The following IL12RB2 variants were observed in gnomAD, a reference collection of about 807,000 sequenced individuals.
IL12RB2 encodes the protein interleukin-12 receptor subunit beta-2.
A neutral mutation model predicts 89.4 loss-of-function variants in IL12RB2; 82 were observed. The ratio of observed to expected loss-of-function variants is 0.92; its 90% CI spans 0.77 to 1.10. The LOEUF (loss-of-function observed/expected upper bound fraction) is 1.10. Ranked by LOEUF, IL12RB2 falls within the 50% of genes least tolerant of loss-of-function variation. IL12RB2 has a pLI of 0.00. For synonymous variants in IL12RB2, 368 were observed against 370.1 expected (o/e 0.99, Z 0.07); for missense variants, 963 against 1,031.9 (o/e 0.93, Z 0.92).
chr1:67,383,805 G>T (rs770842128), intron 14 of IL12RB2, among the ~76,000 whole-genome samples: 8 of 152,208 alleles, frequency 5.3e-5, no homozygotes, highest in Non-Finnish European at 1.0e-4. Context: ...CATTGCCAAG[G>T]TCAGATTTTT....
chr1:67,308,273 C>T (rs1003282705), intron 1 of IL12RB2, among the ~76,000 whole-genome samples: 1 of 151,896 alleles, frequency 6.6e-6, no homozygotes, highest in African/African-American at 2.4e-5. Context: ...ACTCTCTGGG[C>T]CGGGGCACAG....
At chr1:67,311,976 C>T (rs1241185871) in intron 1 of IL12RB2, among the ~76,000 whole-genome samples, 1 of 152,114 alleles carries the variant, frequency 6.6e-6, no homozygotes, top group Non-Finnish European at 1.5e-5. Context: ...AAAGATAAAC[C>T]TCCTGCCATT....
intron 14 of IL12RB2, among the ~76,000 whole-genome samples, chr1:67,383,781 C>T (rs553720957): frequency 6.6e-6 from 1 of 152,320 alleles, no homozygotes; most frequent in East Asian, 1.9e-4. Flanking sequence ...TGTTTATATC[C>T]TACTGCTCAA....
chr1:67,329,817 G>A, intron 7 of IL12RB2, 88 bp downstream of exon 7: 1 of 931,580 alleles, frequency 1.1e-6, no homozygotes, highest in Non-Finnish European at 1.8e-6. Context: ...GCAAAAAATA[G>A]AGTTTAAGAA....
At chr1:67,320,663 TAAGA>T (rs1331188696) in intron 3 of IL12RB2, among the ~76,000 whole-genome samples, 1 of 152,232 alleles carries the variant, frequency 6.6e-6, no homozygotes, top group Non-Finnish European at 1.5e-5. Context: ...TATTTCTTCC[TAAGA>T]AAGTGGCTTG....
Position 67,351,691 on chromosome 1 carries a change from A to G in IL12RB2, c.1258+602A>G, listed in dbSNP as rs540772555. On this transcript the variant is annotated intron_variant, in intron 10 of 16. Transcript: ENST00000674203. Reference sequence around the variant, plus strand: ...TATTGAAATTCTGACTAATGAAACTATAGTAAAATTTTGTTTTACCATAGC... The same window carrying G: ...TATTGAAATTCTGACTAATGAAACTGTAGTAAAATTTTGTTTTACCATAGC... Among the ~76,000 whole-genome samples the G allele has an allele frequency of 6.6e-5, 10 of 152,330 alleles. No individual in the cohort carries two copies. In the South Asian group the frequency reaches 2.1e-3, roughly 32 times the overall value.
intron 4 of IL12RB2, among the ~76,000 whole-genome samples, chr1:67,322,228 G>A (rs1460409195): frequency 6.6e-6 from 1 of 152,084 alleles, no homozygotes; most frequent in Non-Finnish European, 1.5e-5. Flanking sequence ...TAAAAAGAAA[G>A]AAGAGATGTC....
intron 16 of IL12RB2, among the ~76,000 whole-genome samples, chr1:67,393,463 G>A (rs746500720): frequency 2.0e-5 from 3 of 152,198 alleles, no homozygotes; most frequent in South Asian, 2.1e-4. Context: ...AGCCATTTCC[G>A]CACAGGGTGT....
chr1:67,348,960 C>G (rs1294789734), intron 9 of IL12RB2, among the ~76,000 whole-genome samples: 2 of 152,168 alleles, frequency 1.3e-5, no homozygotes, highest in Non-Finnish European at 2.9e-5. Flanking sequence ...ATTTTCAACT[C>G]TAAAATATGG....
intron 11 of IL12RB2, among the ~76,000 whole-genome samples, chr1:67,371,891 ATC>A (rs1663379750): frequency 6.6e-6 from 1 of 152,212 alleles, no homozygotes; most frequent in Non-Finnish European, 1.5e-5. Context: ...TGAGTGTGTC[ATC>A]TGCCCTGTCA....
intron 10 of IL12RB2, among the ~76,000 whole-genome samples, chr1:67,365,598 G>A (rs78096113): frequency 0.048 from 7,357 of 152,186 alleles, 224 homozygotes; most frequent in Middle Eastern, 0.071. Flanking sequence ...GTGTTTTCTG[G>A]TAAAGTGGCC....
chr1:67,386,637 G>A lies in IL12RB2; in HGVS notation c.1914G>A (p.Val638=), dbSNP rs1378437882. Residue 638 remains valine (V), a synonymous_variant, in exon 15 of 17, where the codon GTG becomes GTA. Coordinates refer to ENST00000674203, the MANE Select transcript of IL12RB2 (RefSeq NM_001374259.2). ...GCATTTGCATTGCTATCATCATGGT[G>A]GGCATTTTCTCAACGCATTACTTCC... The part of the protein sequence containing the change: ...APSICIAIIM[V]GIFSTHYFQQ... 6.2e-7 allele frequency: 1 copy of A among 1,613,250 alleles called. No individual in the cohort carries two copies. The highest frequency in any genetic ancestry group is 1.3e-5 in the African/African-American group (1 of 74,906).
chr1:67,368,345 T>TCA (rs1662935404), intron 11 of IL12RB2, among the ~76,000 whole-genome samples: 1 of 152,210 alleles, frequency 6.6e-6, no homozygotes, highest in Admixed American at 6.5e-5. Flanking sequence ...CCTTTATTTA[T>TCA]CATAGCACAC....
chr1:67,351,150 C>A, intron 10 of IL12RB2, 61 bp downstream of exon 10: 1 of 1,587,416 alleles, frequency 6.3e-7, no homozygotes, highest in Non-Finnish European at 8.6e-7. Flanking sequence ...CATCTCTTAT[C>A]TCCTGCAGGC....
chr1:67,311,047 T>G (rs1205501681), intron 1 of IL12RB2, among the ~76,000 whole-genome samples: 1 of 152,096 alleles, frequency 6.6e-6, no homozygotes, highest in East Asian at 1.9e-4. Context: ...GTATTCCCTT[T>G]TTACAGATGA....
chr1:67,373,967 A>C (rs986026554), intron 13 of IL12RB2, among the ~76,000 whole-genome samples: 1 of 152,232 alleles, frequency 6.6e-6, no homozygotes, highest in Non-Finnish European at 1.5e-5. Context: ...TATATAAATA[A>C]TACTAAAACA....
At position 67,351,101 on chromosome 1, in the gene IL12RB2, T is replaced by C; in HGVS notation, c.1258+12T>C. On this transcript the variant is annotated intron_variant, in intron 10 of 16. Transcript: ENST00000674203. The stretch of plus-strand genomic sequence containing the variant: ...CCTGTGTGAGGCAGGTAAGTTCTAA[T>C]TTTTCTTTAACATTGCCTGTGGAAA... 1.2e-6 allele frequency: 2 copies of C among 1,611,978 alleles called. No homozygotes were observed. Among genetic ancestry groups the C allele is most frequent in the Non-Finnish European group, 1.7e-6 (2 of 1,179,702 alleles).
At chr1:67,359,316 T>G (rs1406415298) in intron 10 of IL12RB2, among the ~76,000 whole-genome samples, 1 of 152,210 alleles carries the variant, frequency 6.6e-6, no homozygotes, top group Non-Finnish European at 1.5e-5. Context: ...CGAATTTAAC[T>G]TTGGTATTAA....
chr1:67,351,152 C>T (rs1660793078), intron 10 of IL12RB2, 63 bp downstream of exon 10: 4 of 1,585,152 alleles, frequency 2.5e-6, no homozygotes, highest in Admixed American at 1.8e-5. Context: ...TCTCTTATCT[C>T]CTGCAGGCCC....
Sources: gnomAD v4.1 joint callset for allele counts (sites outside exome capture counted in the v4.1 genomes callset) on GRCh38, gnomAD v4.1.1 for gene constraint, MANE v1.5 for transcripts, NCBI Gene and HGNC (gene_info 2026-07-23, HGNC 2026-07-21) for gene names.